PPP1R7: variants seen among roughly 807,000 people sequenced by gnomAD.
PPP1R7 encodes the protein protein phosphatase 1 regulatory subunit 7.
PPP1R7 carries 18 observed loss-of-function variants against 45.2 expected under a neutral mutation model. The ratio of observed to expected loss-of-function variants is 0.40; its 90% CI spans 0.28 to 0.59. PPP1R7 has a LOEUF of 0.59. Among genes scored for constraint, PPP1R7 ranks in the 20% least tolerant of loss-of-function variants. PPP1R7 has a pLI of 0.46. For missense variants in PPP1R7, 314 were observed against 455.8 expected (o/e 0.69, Z 2.83); for synonymous variants, 181 against 183.4 (o/e 0.99, Z 0.11).
chr2:241,149,733 T>G, upstream of PPP1R7: 1 of 1,546,430 alleles, frequency 6.5e-7, no homozygotes, highest in East Asian at 2.4e-5. Flanking sequence ...GCTCGCCTCT[T>G]GGAGGCCTCT....
rs577941344 is a variant in PPP1R7 at position 241,159,784 on chromosome 2, G to C, written c.434+441G>C. Among the ~76,000 whole-genome samples, 6 of 152,190 alleles carry C rather than the reference G, an allele frequency of 3.9e-5. No homozygotes were observed. The East Asian group carries it at 7.7e-4, about 20-fold the overall frequency. ...AGTGGTGCATACCTGTAATCTCAGTGCTTTGGGAGGCCAAATTGGGAGGAT... is the reference window on the plus strand; with the variant it reads ...AGTGGTGCATACCTGTAATCTCAGTCCTTTGGGAGGCCAAATTGGGAGGAT... On this transcript the variant is annotated intron_variant, in intron 5 of 9. Coordinates refer to ENST00000234038, the MANE Select transcript of PPP1R7 (RefSeq NM_002712.3).
chr2:241,174,832 G>A (rs766221641), intron 9 of PPP1R7, among the ~76,000 whole-genome samples: 6 of 151,870 alleles, frequency 4.0e-5, no homozygotes, highest in Non-Finnish European at 7.4e-5. Context: ...CCGCCACCAC[G>A]CCTGGCTAAT....
At chr2:241,161,689 C>T (rs1475739708) in intron 6 of PPP1R7, among the ~76,000 whole-genome samples, 1 of 152,216 alleles carries the variant, frequency 6.6e-6, no homozygotes, top group Non-Finnish European at 1.5e-5. Context: ...AAGTCTTCAC[C>T]AGCTGACTCA....
chr2:241,154,429 T>A (rs2067400386), intron 2 of PPP1R7, among the ~76,000 whole-genome samples: 2 of 152,180 alleles, frequency 1.3e-5, no homozygotes, highest in South Asian at 4.1e-4. Context: ...GGCTTACGCC[T>A]GTAATCCTAG....
intron 2 of PPP1R7, among the ~76,000 whole-genome samples, chr2:241,154,511 A>T (rs2067402778): frequency 1.3e-5 from 2 of 152,122 alleles, no homozygotes; most frequent in South Asian, 4.1e-4. Context: ...AACATGGTGA[A>T]ACCCTGTCTC....
At chr2:241,160,544 GGCTGT>G in intron 6 of PPP1R7, 50 bp downstream of exon 6, 1 of 1,493,634 alleles carries the variant, frequency 6.7e-7, no homozygotes, top group South Asian at 1.3e-5. Flanking sequence ...GCAGCTAGCG[GGCTGT>G]GTGTGGACTC....
chr2:241,172,726 C>T (rs2067838676), intron 9 of PPP1R7, among the ~76,000 whole-genome samples: 1 of 151,626 alleles, frequency 6.6e-6, no homozygotes, highest in Admixed American at 6.6e-5. Context: ...TCGTGTGGAT[C>T]TGAGTTTCCA....
rs1209123585 is a variant in PPP1R7, at chr2:241,158,703, C to T, written c.303+154C>T. 8.5e-6 allele frequency: 6 copies of T among 709,790 alleles called. No homozygotes were observed. In the East Asian group the frequency reaches 1.3e-4, roughly 16 times the overall value. 44.0% of individuals were successfully genotyped at this position (709,790 alleles called of 1,614,324 possible). On this transcript the variant is annotated intron_variant, in intron 4 of 9. Coordinates refer to ENST00000234038, the MANE Select transcript of PPP1R7 (RefSeq NM_002712.3). The stretch of plus-strand genomic sequence containing the variant: ...GTAGCAGGCCTTTCTTTACTGGGAG[C>T]ACAGCAGGTGTGAGACAGCAGTCGA...
chr2:241,176,656 T>C (rs993704281), intron 9 of PPP1R7, among the ~76,000 whole-genome samples: 4 of 152,142 alleles, frequency 2.6e-5, no homozygotes, highest in African/African-American at 7.2e-5. Context: ...AGACGGGGTT[T>C]TGCCATGTTG....
chr2:241,156,959 T>C (rs990880258), intron 2 of PPP1R7, among the ~76,000 whole-genome samples: 3 of 152,164 alleles, frequency 2.0e-5, no homozygotes, highest in Non-Finnish European at 2.9e-5. Flanking sequence ...TGTGTGTCTT[T>C]GTGCATGCGT....
intron 8 of PPP1R7, among the ~76,000 whole-genome samples, chr2:241,168,451 C>T (rs1021514531): frequency 6.6e-6 from 1 of 152,214 alleles, no homozygotes; most frequent in Non-Finnish European, 1.5e-5. Context: ...AGCTGCCGTC[C>T]GTGCTAGAGA....
intron 9 of PPP1R7, among the ~76,000 whole-genome samples, chr2:241,177,469 A>G (rs1396429839): frequency 6.6e-6 from 1 of 152,226 alleles, no homozygotes; most frequent in Non-Finnish European, 1.5e-5. Context: ...AATCAGTGAA[A>G]AAAGAAAGAA....
intron 9 of PPP1R7, 24 bp from the exon 10 acceptor site, chr2:241,182,623 C>T (rs770778162): frequency 6.2e-7 from 1 of 1,612,834 alleles, no homozygotes; most frequent in Admixed American, 1.7e-5. Context: ...GTTCTAAAGG[C>T]TTTTCTGCTG....
chr2:241,160,203 C>A, intron 5 of PPP1R7, 129 bp from the exon 6 acceptor site: 2 of 680,478 alleles, frequency 2.9e-6, no homozygotes, highest in Non-Finnish European at 4.8e-6. Context: ...GTCAGAACCC[C>A]CCACCCTCTC....
intron 8 of PPP1R7, among the ~76,000 whole-genome samples, chr2:241,168,689 G>A (rs1485738179): frequency 4.6e-5 from 7 of 152,164 alleles, no homozygotes; most frequent in Non-Finnish European, 7.4e-5. Flanking sequence ...GGAGAGTGGC[G>A]TCAGACTTGA....
At chr2:241,180,229 A>G (rs2067976946) in intron 9 of PPP1R7, among the ~76,000 whole-genome samples, 1 of 152,132 alleles carries the variant, frequency 6.6e-6, no homozygotes. Context: ...AAACAGTGTG[A>G]TATTGCTACT....
chr2:241,162,934 C>G (rs1215007385), intron 6 of PPP1R7, among the ~76,000 whole-genome samples: 1 of 152,154 alleles, frequency 6.6e-6, no homozygotes, highest in Non-Finnish European at 1.5e-5. Flanking sequence ...CCTGCCTCAG[C>G]TTCTCAAAGT....
intron 7 of PPP1R7, among the ~76,000 whole-genome samples, chr2:241,163,666 C>G (rs1028000161): frequency 6.6e-6 from 1 of 152,142 alleles, no homozygotes; most frequent in African/African-American, 2.4e-5. Flanking sequence ...TGCAGTGGTG[C>G]TGTCATAGCT....
chr2:241,171,118 A>G (rs1248440403), intron 9 of PPP1R7, among the ~76,000 whole-genome samples: 1 of 152,202 alleles, frequency 6.6e-6, no homozygotes, highest in Non-Finnish European at 1.5e-5. Context: ...TACTGAAGCA[A>G]TGTTCCTGAA....
Sources: gnomAD v4.1 joint callset for allele counts (sites outside exome capture counted in the v4.1 genomes callset) on GRCh38, gnomAD v4.1.1 for gene constraint, MANE v1.5 for transcripts, NCBI Gene and HGNC (gene_info 2026-07-23, HGNC 2026-07-21) for gene names.